TEC: variants seen among roughly 807,000 people sequenced by gnomAD.
TEC encodes the protein tec protein tyrosine kinase.
TEC carries 72 observed loss-of-function variants against 93.0 expected under a neutral mutation model. That is an observed-to-expected ratio of 0.77 (90% CI 0.64 to 0.94). The LOEUF (loss-of-function observed/expected upper bound fraction) is 0.94. TEC is among the 40% of genes least tolerant of loss of function. TEC has a pLI of 0.00. For synonymous variants in TEC, 249 were observed against 247.7 expected, an observed-to-expected ratio of 1.01 and a Z score of -0.05; for missense variants, 630 against 757.9, an observed-to-expected ratio of 0.83 and a Z score of 1.98.
chr4:48,258,112 C>T (rs532721722), intron 1 of TEC, among the ~76,000 whole-genome samples: 2 of 150,280 alleles, frequency 1.3e-5, no homozygotes, highest in Non-Finnish European at 3.0e-5. Flanking sequence ...ATGTACAGAT[C>T]GATTCATTTT....
intron 2 of TEC, among the ~76,000 whole-genome samples, chr4:48,185,031 T>C (rs756044755): frequency 2.0e-5 from 3 of 151,182 alleles, no homozygotes; most frequent in Non-Finnish European, 4.4e-5. Context: ...GATATCAAAG[T>C]ACCATAATAG....
At chr4:48,174,840 T>C (rs563590224) in intron 3 of TEC, among the ~76,000 whole-genome samples, 2 of 152,324 alleles carry the variant, frequency 1.3e-5, no homozygotes, top group East Asian at 3.9e-4. Flanking sequence ...GCAATAGTAA[T>C]AATAGCAACT....
chr4:48,170,733 C>A (rs1721067048), intron 4 of TEC, among the ~76,000 whole-genome samples: 2 of 152,174 alleles, frequency 1.3e-5, no homozygotes, highest in Non-Finnish European at 2.9e-5. Flanking sequence ...CAAATATTGA[C>A]TACATGGGCA....
At chr4:48,162,790 T>C (rs1720725207) in intron 8 of TEC, among the ~76,000 whole-genome samples, 1 of 152,194 alleles carries the variant, frequency 6.6e-6, no homozygotes, top group South Asian at 2.1e-4. Context: ...AGGAAGTGAA[T>C]GAAGCATCAA....
In TEC at chr4:48,262,201, C is replaced by CTTTTTTTTTTTTTTTTTTTTTT. The variant is rs10659576; in HGVS notation, c.-46+7550_-46+7551insAAAAAAAAAAAAAAAAAAAAAA. On this transcript the variant is annotated intron_variant, in intron 1 of 17. Transcript: ENST00000381501. ...CTTGGGTAATTGTGACCAAATGTCT[C>CTTTTTTTTTTTTTTTTTTTTTT]TTTTTTTTTTTTTGAGACGGAGTCT... Among the ~76,000 whole-genome samples the CTTTTTTTTTTTTTTTTTTTTTT allele has an allele frequency of 2.5e-4, 20 of 80,214 alleles. 5 individuals carry two copies. The highest frequency in any genetic ancestry group is 6.5e-4 in the Admixed American group (3 of 4,646). 52.6% of individuals were successfully genotyped at this position (80,214 alleles called of 152,430 possible).
chr4:48,203,847 C>G (rs1020710866), intron 2 of TEC, among the ~76,000 whole-genome samples: 2 of 152,178 alleles, frequency 1.3e-5, no homozygotes, highest in East Asian at 1.9e-4. Context: ...CTCAGAGAAA[C>G]TTGCAAGCAC....
Position 48,141,681 on chromosome 4 carries a change from CTTTCTTTTT to C in TEC, c.1471-271_1471-263del. The C allele has an allele frequency of 1.4e-5, 4 of 283,298 alleles. No homozygotes were observed. The South Asian group carries it at 2.4e-4, about 17-fold the overall frequency. The allele number at this position is 283,298 out of a possible 1,614,324, so 17.5% of individuals were successfully genotyped here. On this transcript the variant is annotated intron_variant, in intron 14 of 17. Coordinates refer to ENST00000381501, the MANE Select transcript of TEC (RefSeq NM_003215.3). ...ACCAATTGTCTTTTTTTTTTCTTTT[CTTTCTTTTT>C]TTTTTTTTTGAGACAGAGTCTGCCT...
At chr4:48,262,911 G>A (rs1474515976) in intron 1 of TEC, among the ~76,000 whole-genome samples, 1 of 152,156 alleles carries the variant, frequency 6.6e-6, no homozygotes, top group Non-Finnish European at 1.5e-5. Context: ...TGGGAAGATC[G>A]AGCTTTGCTT....
At chr4:48,224,143 T>C (rs1205218587) in intron 2 of TEC, among the ~76,000 whole-genome samples, 2 of 152,152 alleles carry the variant, frequency 1.3e-5, no homozygotes, top group Non-Finnish European at 2.9e-5. Context: ...CAGGTGGAGT[T>C]GGGAACCCTG....
intron 1 of TEC, among the ~76,000 whole-genome samples, chr4:48,229,319 G>A (rs1723578868): frequency 6.6e-6 from 1 of 152,240 alleles, no homozygotes; most frequent in African/African-American, 2.4e-5. Context: ...ACCTGGATAA[G>A]AAAGTCTCAG....
intron 1 of TEC, among the ~76,000 whole-genome samples, chr4:48,265,478 C>T (rs1390800054): frequency 6.6e-5 from 9 of 136,532 alleles, no homozygotes; most frequent in South Asian, 4.6e-4. Context: ...CACATATATA[C>T]GTGTGTGTAT....
intron 7 of TEC, among the ~76,000 whole-genome samples, chr4:48,166,677 G>A (rs1720884288): frequency 6.6e-6 from 1 of 151,406 alleles, no homozygotes; most frequent in East Asian, 1.9e-4. Flanking sequence ...ATACTTTTTG[G>A]ATGCTTGAAA....
At chr4:48,198,069 C>T (rs938983980) in intron 2 of TEC, among the ~76,000 whole-genome samples, 18 of 152,186 alleles carry the variant, frequency 1.2e-4, no homozygotes, top group African/African-American at 1.7e-4. Flanking sequence ...CAGCCCATTC[C>T]GCCCTTCCTG....
chr4:48,173,522 C>T (rs1345128669), intron 3 of TEC, among the ~76,000 whole-genome samples: 1 of 152,194 alleles, frequency 6.6e-6, no homozygotes, highest in Non-Finnish European at 1.5e-5. Context: ...ATCCAGGGAG[C>T]TGTGTTTCTC....
intron 2 of TEC, among the ~76,000 whole-genome samples, chr4:48,208,301 A>G (rs1263031258): frequency 6.6e-6 from 1 of 152,192 alleles, no homozygotes; most frequent in Non-Finnish European, 1.5e-5. Flanking sequence ...CCTCTCCAAG[A>G]TCACACTGGC....
intron 1 of TEC, among the ~76,000 whole-genome samples, chr4:48,255,091 A>C (rs1378782390): frequency 1.3e-5 from 2 of 152,230 alleles, no homozygotes; most frequent in Non-Finnish European, 2.9e-5. Flanking sequence ...AGATTTAAGC[A>C]AACAACAACA....
chr4:48,175,021 G>A (rs1560390419), intron 3 of TEC, among the ~76,000 whole-genome samples: 1 of 152,206 alleles, frequency 6.6e-6, no homozygotes, highest in East Asian at 1.9e-4. Flanking sequence ...TAGCCAGTAA[G>A]CAAATCAGGC....
chr4:48,138,938 G>A lies in TEC; in HGVS notation c.1620C>T (p.Ser540=), dbSNP rs780242320. 2 of 1,614,228 alleles carry A rather than the reference G, an allele frequency of 1.2e-6. No homozygotes were observed. The highest frequency in any genetic ancestry group is 1.3e-5 in the African/African-American group (1 of 75,058). The change falls in exon 16 of 18, where the codon AGC becomes AGT. Residue 540 remains serine, a synonymous_variant. Coordinates refer to ENST00000381501, the MANE Select transcript of TEC (RefSeq NM_003215.3). ...AGACATCTGATTTGCTGCTGAAGCG[G>A]CTGTAATTAAACACTTCAGGTGGAC... ...KWCPPEVFNY[S]RFSSKSDVWS... is the part of the protein sequence containing the mutation.
chr4:48,259,920 G>A (rs181070642), intron 1 of TEC, among the ~76,000 whole-genome samples: 50 of 152,242 alleles, frequency 3.3e-4, no homozygotes, highest in Middle Eastern at 3.4e-3. Flanking sequence ...GACATAAGAT[G>A]CCTTCCCGGG....
Sources: gnomAD v4.1 joint callset for allele counts (sites outside exome capture counted in the v4.1 genomes callset) on GRCh38, gnomAD v4.1.1 for gene constraint, MANE v1.5 for transcripts, NCBI Gene and HGNC (gene_info 2026-07-23, HGNC 2026-07-21) for gene names.